Variants in TMEM235 observed in about 807,000 individuals in gnomAD.
TMEM235 encodes the protein claudin-27.
TMEM235 carries 23 observed loss-of-function variants against 22.9 expected under a neutral mutation model. The observed-to-expected ratio is 1.00, with a 90% CI of 0.72 to 1.42. The LOEUF (loss-of-function observed/expected upper bound fraction) is 1.42, where lower values mean the gene tolerates loss of function less well. TMEM235 is among the 40% of genes most tolerant of loss of function. TMEM235 has a pLI of 0.00. For missense variants in TMEM235, 308 were observed against 299.5 expected (o/e 1.03, Z -0.21); for synonymous variants, 137 against 140.5 (o/e 0.98, Z 0.17).
At chr17:78,239,868 G>C (rs930344865) in exon 6 of TMEM235, 5 of 1,551,380 alleles carry the variant, frequency 3.2e-6, no homozygotes, top group Non-Finnish European at 4.4e-6. Context: ...GGCCTCCCTG[G>C]CCTCTGTTCT....
exon 6 of TMEM235, chr17:78,240,111 C>T (rs1040421273): frequency 1.8e-5 from 24 of 1,343,604 alleles, no homozygotes; most frequent in Non-Finnish European, 2.1e-5. Context: ...TTCCGGCCCC[C>T]GACCCTTCCT....
chr17:78,239,414 G>A, intron 5 of TMEM235, 141 bp downstream of exon 4: 2 of 1,076,408 alleles, frequency 1.9e-6, no homozygotes, highest in Non-Finnish European at 2.6e-6. Flanking sequence ...AGGGGTGGAG[G>A]GCAGAGCCAA....
rs1237499332 is a variant in TMEM235 at position 78,237,436 on chromosome 17, C to T, written c.410-1588C>T. On this transcript the variant is annotated intron_variant, in intron 4 of 5. Transcript: ENST00000421688. The surrounding 1 kb of genome is among the most constrained non-coding windows in gnomAD (Gnocchi z 4.7). ...GCAGAGGCCTCCTTTAGGAGGTCTGCCAGGAGCTGAGCCTGGGCCCCATCA... is the reference window on the plus strand; with the variant it reads ...GCAGAGGCCTCCTTTAGGAGGTCTGTCAGGAGCTGAGCCTGGGCCCCATCA... 2.6e-5 allele frequency among the ~76,000 whole-genome samples: 4 copies of T among 152,120 alleles called. No individual in the cohort carries two copies. Among genetic ancestry groups the T allele is most frequent in the African/African-American group, 9.7e-5 (4 of 41,418 alleles).
chr17:78,234,445 G>C, intron 3 of TMEM235, 148 bp from the exon 3 acceptor site: 2 of 1,187,720 alleles, frequency 1.7e-6, no homozygotes, highest in Non-Finnish European at 2.4e-6. Context: ...GTCAGAGGGG[G>C]CCACTGGGAG....
At chr17:78,239,304 T>C in intron 5 of TMEM235, 31 bp downstream of exon 4, 4 of 1,526,842 alleles carry the variant, frequency 2.6e-6, no homozygotes, top group Non-Finnish European at 3.5e-6. Flanking sequence ...CCTTTGCACC[T>C]CCCGGGATTG....
In TMEM235 at chr17:78,238,448, T is replaced by G; in HGVS notation, c.410-576T>G. On this transcript the variant is annotated intron_variant, in intron 4 of 5. Transcript: ENST00000421688. The surrounding 1 kb of genome is among the most constrained non-coding windows in gnomAD (Gnocchi z 4.3). Reference sequence around the variant, plus strand: ...GGGAGGGGGATGTTAGCCCCGGAGGTAGGGAGGGCAAAGGTGTGAGGAAGA... The same window carrying G: ...GGGAGGGGGATGTTAGCCCCGGAGGGAGGGAGGGCAAAGGTGTGAGGAAGA... Among the ~76,000 whole-genome samples, 1 of 148,060 alleles carries G rather than the reference T, an allele frequency of 6.8e-6. No homozygotes were observed. The highest frequency in any genetic ancestry group is 1.5e-5 in the Non-Finnish European group (1 of 66,818).
exon 2 of TMEM235, chr17:78,231,549 C>T (rs1168724086): frequency 3.1e-6 from 4 of 1,304,028 alleles, no homozygotes; most frequent in Non-Finnish European, 3.0e-6. Flanking sequence ...CCTATGCTTC[C>T]AGGAGCACGG....
At chr17:78,240,248 C>T in exon 6 of TMEM235, 1 of 351,042 alleles carries the variant, frequency 2.8e-6, no homozygotes, top group Non-Finnish European at 5.0e-6. Context: ...TTTGGGGCCA[C>T]TCCTTGCCTG....
exon 6 of TMEM235, chr17:78,240,971 G>C (rs948684001): frequency 2.6e-5 from 4 of 152,252 alleles, no homozygotes; most frequent in Admixed American, 2.6e-4. Flanking sequence ...CAGTACAAAC[G>C]TGAGCAAACA....
At chr17:78,233,029 T>A (rs2076601954) in intron 2 of TMEM235, among the ~76,000 whole-genome samples, 2 of 152,182 alleles carry the variant, frequency 1.3e-5, no homozygotes, top group Non-Finnish European at 2.9e-5. Flanking sequence ...GTGTGGGTGG[T>A]GCACATGTGC....
exon 2 of TMEM235, chr17:78,231,597 G>A (rs1357332771): frequency 4.6e-6 from 6 of 1,303,524 alleles, no homozygotes; most frequent in Non-Finnish European, 6.1e-6. Flanking sequence ...ATCCTCCTGG[G>A]GTCGGTCTCT....
In TMEM235 at chr17:78,237,463, C is replaced by G. The variant is rs1008762066; in HGVS notation, c.410-1561C>G. 6.6e-6 allele frequency among the ~76,000 whole-genome samples: 1 copy of G among 152,134 alleles called. No homozygotes were observed. The highest frequency in any genetic ancestry group is 2.4e-5 in the African/African-American group (1 of 41,420). On this transcript the variant is annotated intron_variant, in intron 4 of 5. Coordinates refer to ENST00000421688, the Ensembl canonical transcript of TMEM235. The surrounding 1 kb of genome is among the most constrained non-coding windows in gnomAD (Gnocchi z 4.7). ...AGGAGCTGAGCCTGGGCCCCATCAC[C>G]AGGGATTTGGGAGGTACTTCAGGTC...
exon 1 of TMEM235, chr17:78,231,320 G>T (rs1270047873): frequency 4.6e-6 from 5 of 1,093,402 alleles, no homozygotes; most frequent in South Asian, 1.5e-5. Context: ...GTCCTAGAAG[G>T]TTCTTTCTGC....
At chr17:78,234,309 T>G in intron 3 of TMEM235, 1 of 691,170 alleles carries the variant, frequency 1.4e-6, no homozygotes, top group Non-Finnish European at 2.6e-6. Context: ...TTCTTCCAGA[T>G]GGCCTGCTGT....
chr17:78,231,510 A>G lies in TMEM235; in HGVS notation c.-514A>G, dbSNP rs1344433460. ...TTGGTCCTCAGGACTGATACAGACC[A>G]GGACCCCAGGGCCAGCCCGTGCCAG... On this transcript the variant is annotated 5_prime_UTR_variant, in exon 2 of 6. Transcript: ENST00000421688. 6 of 1,304,050 alleles carry G rather than the reference A, an allele frequency of 4.6e-6. No homozygotes were observed. The East Asian group carries it at 3.3e-4, about 72-fold the overall frequency. The allele number at this position is 1,304,050 out of a possible 1,614,324, so 80.8% of individuals were successfully genotyped here.
chr17:78,236,334 C>T (rs531449434), intron 4 of TMEM235, among the ~76,000 whole-genome samples: 1 of 152,340 alleles, frequency 6.6e-6, no homozygotes, highest in East Asian at 1.9e-4. Context: ...TGAGGCAGGG[C>T]CAGGCATGAA....
At chr17:78,231,479 G>A (rs1262934174) in exon 2 of TMEM235, 7 of 1,303,470 alleles carry the variant, frequency 5.4e-6, no homozygotes, top group African/African-American at 1.5e-5. Flanking sequence ...ACCGGATGCC[G>A]TCTGGTTGGT....
At chr17:78,234,044 C>T (rs946232074) in intron 3 of TMEM235, 69 bp downstream of exon 2, 6 of 1,327,658 alleles carry the variant, frequency 4.5e-6, no homozygotes, top group Non-Finnish European at 6.1e-6. Flanking sequence ...CCAGCCATCC[C>T]CATCCCCATC....
exon 6 of TMEM235, chr17:78,239,961 G>C (rs1417178985): frequency 2.6e-6 from 4 of 1,549,346 alleles, no homozygotes; most frequent in Non-Finnish European, 2.6e-6. Context: ...CAGGGGTGGG[G>C]GGCAAGGAGC....
Sources: gnomAD v4.1 joint callset for allele counts (sites outside exome capture counted in the v4.1 genomes callset) on GRCh38, gnomAD v4.1.1 for gene constraint, Gnocchi (gnomAD v3.1) non-coding constraint, MANE v1.5 for transcripts, NCBI Gene and HGNC (gene_info 2026-07-23, HGNC 2026-07-21) for gene names.